The following TIAM1 variants were observed in gnomAD, a reference collection of about 807,000 sequenced individuals.
TIAM1 encodes the protein TIAM Rac1 associated GEF 1.
A neutral mutation model predicts 163.5 loss-of-function variants in TIAM1; 65 were observed. The ratio of observed to expected loss-of-function variants is 0.40; its 90% CI spans 0.33 to 0.49. TIAM1 has a LOEUF of 0.49. Among genes scored for constraint, TIAM1 ranks in the 20% least tolerant of loss-of-function variants. The pLI, the probability that TIAM1 is intolerant of heterozygous loss-of-function variation, is 0.77. For synonymous variants in TIAM1, 833 were observed against 810.1 expected, an observed-to-expected ratio of 1.03 and a Z score of -0.48; for missense variants, 1,789 against 2,044.7, an observed-to-expected ratio of 0.87 and a Z score of 2.41.
intron 15 of TIAM1, among the ~76,000 whole-genome samples, chr21:31,176,199 T>G (rs537535544): frequency 6.6e-6 from 1 of 152,216 alleles, no homozygotes; most frequent in African/African-American, 2.4e-5. Context: ...CTAGCCCAGA[T>G]TGTTAATATT....
rs189304845 is a variant in TIAM1, at chr21:31,401,013, T to C, written c.-368-61591A>G. On this transcript the variant is annotated intron_variant, in intron 2 of 28. Coordinates refer to the TIAM1 transcript ENST00000286827. ...GGCTGGGCAACAAGAGCAAAACTAC[T>C]CTTGCCTGGGCTACTCCAGCCTGGG... Among the ~76,000 whole-genome samples the C allele has an allele frequency of 3.8e-3, 572 of 152,070 alleles. 6 individuals are homozygous for C. The highest frequency in any genetic ancestry group is 0.013 in the African/African-American group (540 of 41,468).
intron 11 of TIAM1, among the ~76,000 whole-genome samples, chr21:31,208,362 G>A (rs1463385409): frequency 1.3e-5 from 2 of 152,140 alleles, no homozygotes; most frequent in Non-Finnish European, 2.9e-5. Context: ...ATACAAAAAA[G>A]CCAGAAAGTT....
At chr21:31,305,994 G>A (rs2074695890) in intron 2 of TIAM1, among the ~76,000 whole-genome samples, 1 of 152,184 alleles carries the variant, frequency 6.6e-6, no homozygotes, top group Admixed American at 6.5e-5. Flanking sequence ...GCAGAGCACA[G>A]GATGGTGGCA....
At chr21:31,410,486 AGT>A (rs1057487897) in intron 2 of TIAM1, among the ~76,000 whole-genome samples, 5 of 99,994 alleles carry the variant, frequency 5.0e-5, no homozygotes, top group Non-Finnish European at 9.7e-5. Context: ...ACTGTGTAAG[AGT>A]GTGTGTGATA....
chr21:31,283,873 C>T (rs1000728724), intron 2 of TIAM1, among the ~76,000 whole-genome samples: 24 of 152,266 alleles, frequency 1.6e-4, no homozygotes, highest in African/African-American at 4.6e-4. Flanking sequence ...CGCAAAGCTA[C>T]TGAACACTTG....
chr21:31,228,343 A>G (rs1305180653), intron 6 of TIAM1, among the ~76,000 whole-genome samples: 1 of 148,472 alleles, frequency 6.7e-6, no homozygotes, highest in Non-Finnish European at 1.5e-5. Flanking sequence ...ACTGCTGGCC[A>G]CTGGCTGGAA....
In TIAM1 at chr21:31,174,677, C is replaced by T. The variant is rs866706820; in HGVS notation, c.2887+7744G>A. Among the ~76,000 whole-genome samples, 12 of 152,250 alleles carry T rather than the reference C, an allele frequency of 7.9e-5. 1 individual carries two copies. Among genetic ancestry groups the T allele is most frequent in the Middle Eastern group, 3.4e-3 (1 of 294 alleles). ...TTTTTCTTTTTTTGAGAGAGAGTTT[C>T]GCTCTTGTTGTCCAGGCTAGAGCGC... On this transcript the variant is annotated intron_variant, in intron 15 of 27. Coordinates refer to ENST00000541036, the MANE Select transcript of TIAM1 (RefSeq NM_001353694.2).
intron 2 of TIAM1, among the ~76,000 whole-genome samples, chr21:31,451,109 T>G (rs1439229562): frequency 1.3e-5 from 2 of 148,322 alleles, no homozygotes; most frequent in African/African-American, 2.5e-5. Context: ...ATGGCTGAGG[T>G]CCCACATGCT....
chr21:31,379,646 G>A (rs2076744970), intron 2 of TIAM1, among the ~76,000 whole-genome samples: 1 of 152,002 alleles, frequency 6.6e-6, no homozygotes, highest in South Asian at 2.1e-4. Flanking sequence ...TTAATGAGTG[G>A]ATAAATAAAA....
At chr21:31,519,107 G>A (rs1225071790) in intron 1 of TIAM1, among the ~76,000 whole-genome samples, 2 of 152,036 alleles carry the variant, frequency 1.3e-5, no homozygotes, top group Admixed American at 6.5e-5. Context: ...TCAGGAGTTC[G>A]AGACCAGCCT....
intron 1 of TIAM1, among the ~76,000 whole-genome samples, chr21:31,544,423 G>A (rs543698471): frequency 6.9e-6 from 1 of 145,388 alleles, no homozygotes; most frequent in African/African-American, 2.5e-5. Context: ...TGACGAAGGA[G>A]TTCAAGAGCA....
intron 2 of TIAM1, among the ~76,000 whole-genome samples, chr21:31,379,114 G>A (rs2076736368): frequency 6.6e-6 from 1 of 152,112 alleles, no homozygotes; most frequent in Non-Finnish European, 1.5e-5. Context: ...TAAGATTACA[G>A]GCACCCGCCA....
At chr21:31,457,737 G>T (rs1407619834) in intron 2 of TIAM1, among the ~76,000 whole-genome samples, 1 of 152,144 alleles carries the variant, frequency 6.6e-6, no homozygotes, top group Non-Finnish European at 1.5e-5. Context: ...TGGAACCTTG[G>T]GTATGCAGGT....
rs375798780 is a variant in TIAM1 at position 31,127,082 on chromosome 21, G to A, written c.4116C>T (p.Val1372=). ...AGGCTCACCTGCAGCACAAGTGAAAGACCCTCTCCGGCCTCCCTTCAGACT... is the reference window on the plus strand; with the variant it reads ...AGGCTCACCTGCAGCACAAGTGAAAAACCCTCTCCGGCCTCCCTTCAGACT... The part of the protein sequence containing the change: ...KSESEGRPER[V]FHLCCSSPES... The change falls in exon 26 of 28, where the codon GTC becomes GTT. Residue 1372 remains valine (V), a synonymous_variant. Coordinates refer to ENST00000541036, the MANE Select transcript of TIAM1 (RefSeq NM_001353694.2). 3.7e-6 allele frequency: 6 copies of A among 1,613,932 alleles called. No homozygotes were observed. The African/African-American group carries it at 6.7e-5, about 18-fold the overall frequency.
intron 1 of TIAM1, among the ~76,000 whole-genome samples, chr21:31,469,941 C>T (rs1286761605): frequency 2.0e-5 from 3 of 151,626 alleles, no homozygotes; most frequent in Non-Finnish European, 4.4e-5. Flanking sequence ...TGGGTAGGGG[C>T]AGGTGTGGCG....
chr21:31,226,060 T>C, intron 6 of TIAM1, 110 bp from the exon 7 acceptor site: 1 of 861,126 alleles, frequency 1.2e-6, no homozygotes, highest in Non-Finnish European at 1.8e-6. Context: ...GTGACAGGTC[T>C]AGACACCCAT....
At chr21:31,209,285 T>C (rs1197856548) in intron 11 of TIAM1, among the ~76,000 whole-genome samples, 1 of 152,232 alleles carries the variant, frequency 6.6e-6, no homozygotes, top group Non-Finnish European at 1.5e-5. Context: ...CTATTCATTA[T>C]GTAAAAATAA....
At chr21:31,149,342 C>T (rs574427814) in intron 19 of TIAM1, among the ~76,000 whole-genome samples, 34 of 152,130 alleles carry the variant, frequency 2.2e-4, no homozygotes, top group Non-Finnish European at 3.4e-4. Flanking sequence ...CATCAAAAAT[C>T]GAAAATCCAG....
chr21:31,354,247 T>C (rs1179170339), intron 2 of TIAM1, among the ~76,000 whole-genome samples: 1 of 152,096 alleles, frequency 6.6e-6, no homozygotes, highest in African/African-American at 2.4e-5. Flanking sequence ...GAGAACCTCA[T>C]GCCCTCTTAA....
Sources: allele counts gnomAD v4.1 joint callset (sites outside exome capture counted in the v4.1 genomes callset), GRCh38; gene constraint gnomAD v4.1.1; transcripts MANE v1.5; gene names NCBI Gene and HGNC (gene_info 2026-07-23, HGNC 2026-07-21).